The following ATRNL1 variants were observed in gnomAD, a reference collection of about 807,000 sequenced individuals.
ATRNL1 encodes attractin like 1.
ATRNL1 carries 95 observed loss-of-function variants against 182.7 expected under a neutral mutation model. That is an observed-to-expected ratio of 0.52 (90% CI 0.44 to 0.62). ATRNL1 has a LOEUF of 0.62. Ranked by LOEUF, ATRNL1 falls within the 20% of genes least tolerant of loss-of-function variation. The probability of loss-of-function intolerance (pLI) is 0.00; values close to 1 mark genes in which losing one functional copy is unlikely to be tolerated. For missense variants in ATRNL1, 1,471 were observed against 1,679.5 expected, an observed-to-expected ratio of 0.88 and a Z score of 2.17; for synonymous variants, 576 against 568.3, an observed-to-expected ratio of 1.01 and a Z score of -0.19.
Position 115,754,908 on chromosome 10 carries a change from G to C in ATRNL1, c.3903+27553G>C, listed in dbSNP as rs114291497. Among the ~76,000 whole-genome samples, 943 of 152,142 alleles carry C rather than the reference G, an allele frequency of 6.2e-3. 13 individuals carry two copies. The highest frequency in any genetic ancestry group is 0.022 in the African/African-American group (914 of 41,508). Reference sequence around the variant, plus strand: ...ACATTTCTTGAAAGTTGTTTTCCTAGGTATTTTATTCTCTTTGTAGGAATT... The same window carrying C: ...ACATTTCTTGAAAGTTGTTTTCCTACGTATTTTATTCTCTTTGTAGGAATT... On this transcript the variant is annotated intron_variant, in intron 27 of 28. Transcript: ENST00000355044.
chr10:115,401,114 T>C (rs1844544201), intron 20 of ATRNL1, among the ~76,000 whole-genome samples: 1 of 152,038 alleles, frequency 6.6e-6, no homozygotes, highest in Non-Finnish European at 1.5e-5. Context: ...TAGAACTTCA[T>C]AGGTTTTCAT....
At chr10:115,112,053 A>G (rs1554868210) in intron 1 of ATRNL1, among the ~76,000 whole-genome samples, 1 of 134,892 alleles carries the variant, frequency 7.4e-6, no homozygotes, top group African/African-American at 3.0e-5. Context: ...ATCAAAAAAC[A>G]AAACAAAAAA....
chr10:115,459,560 T>G (rs1847694073), intron 21 of ATRNL1, among the ~76,000 whole-genome samples: 1 of 150,786 alleles, frequency 6.6e-6, no homozygotes, highest in Admixed American at 6.6e-5. Flanking sequence ...CTAATAAATT[T>G]TGGTCAGACT....
intron 15 of ATRNL1, among the ~76,000 whole-genome samples, chr10:115,293,285 T>C (rs1853008674): frequency 6.6e-6 from 1 of 152,100 alleles, no homozygotes; most frequent in South Asian, 2.1e-4. Flanking sequence ...ATATTGTTAG[T>C]TATTTTTTTA....
chr10:115,145,538 A>G (rs2143851397), intron 5 of ATRNL1, among the ~76,000 whole-genome samples: 1 of 152,316 alleles, frequency 6.6e-6, no homozygotes, highest in South Asian at 2.1e-4. Flanking sequence ...TATTTAAAAT[A>G]GACAAAAGTT....
chr10:115,559,520 A>G (rs1853563685), intron 26 of ATRNL1, among the ~76,000 whole-genome samples: 1 of 152,092 alleles, frequency 6.6e-6, no homozygotes, highest in African/African-American at 2.4e-5. Context: ...TAGCTTGTAC[A>G]CTTCTTGCCC....
intron 27 of ATRNL1, among the ~76,000 whole-genome samples, chr10:115,803,536 T>C (rs1949847185): frequency 6.6e-6 from 1 of 151,988 alleles, no homozygotes; most frequent in Non-Finnish European, 1.5e-5. Context: ...TAGTTTCCAT[T>C]AGAGATATGG....
intron 17 of ATRNL1, among the ~76,000 whole-genome samples, chr10:115,311,032 T>G (rs1480875769): frequency 6.6e-6 from 1 of 151,814 alleles, no homozygotes; most frequent in Non-Finnish European, 1.5e-5. Flanking sequence ...TTTTGCAGAA[T>G]TTAAAACTTT....
intron 19 of ATRNL1, among the ~76,000 whole-genome samples, chr10:115,367,699 T>C (rs1221729682): frequency 8.0e-6 from 1 of 125,034 alleles, no homozygotes; most frequent in Non-Finnish European, 1.9e-5. Flanking sequence ...GGGTTTTTGG[T>C]GTGGATGTCC....
At chr10:115,644,067 T>A (rs1555031370) in intron 26 of ATRNL1, among the ~76,000 whole-genome samples, 2 of 152,144 alleles carry the variant, frequency 1.3e-5, no homozygotes. Context: ...AATCTAATAT[T>A]CATCACCTGG....
chr10:115,649,836 G>A (rs887030286), intron 26 of ATRNL1, among the ~76,000 whole-genome samples: 1 of 152,142 alleles, frequency 6.6e-6, no homozygotes, highest in Admixed American at 6.6e-5. Flanking sequence ...AAGCAGTTAA[G>A]TGGAGTTTTT....
intron 26 of ATRNL1, among the ~76,000 whole-genome samples, chr10:115,620,763 T>C (rs1473486678): frequency 6.6e-6 from 1 of 152,218 alleles, no homozygotes; most frequent in Non-Finnish European, 1.5e-5. Flanking sequence ...GATTTTACCC[T>C]GTAGACACAA....
intron 28 of ATRNL1, among the ~76,000 whole-genome samples, chr10:115,924,696 T>A (rs146657332): frequency 1.6e-3 from 244 of 152,308 alleles, no homozygotes; most frequent in African/African-American, 5.7e-3. Context: ...GCCTCCAGCG[T>A]TGTTCTTTTT....
chr10:115,205,047 C>T (rs1260199621), intron 8 of ATRNL1, among the ~76,000 whole-genome samples: 1 of 151,930 alleles, frequency 6.6e-6, no homozygotes, highest in Non-Finnish European at 1.5e-5. Context: ...CCAACTCTAC[C>T]CCTCACATTT....
chr10:115,236,164 G>C (rs2133806585), intron 9 of ATRNL1, among the ~76,000 whole-genome samples: 1 of 152,108 alleles, frequency 6.6e-6, no homozygotes, highest in African/African-American at 2.4e-5. Flanking sequence ...CCCTGCCCTA[G>C]TGCTCGAATA....
At position 115,389,538 on chromosome 10, in the gene ATRNL1, G is replaced by GTATATA. The variant is rs1270489896; in HGVS notation, c.3176-5120_3176-5119insATATAT. On this transcript the variant is annotated intron_variant, in intron 19 of 28. Coordinates refer to ENST00000355044, the MANE Select transcript of ATRNL1 (RefSeq NM_207303.4). ...AGCTGAATAGTATTCAAATGTGTAT[G>GTATATA]TGTATATATATATATATATATATAT... Among the ~76,000 whole-genome samples the GTATATA allele has an allele frequency of 5.8e-5, 3 of 51,414 alleles. 1 individual carries two copies. Among genetic ancestry groups the GTATATA allele is most frequent in the Non-Finnish European group, 1.0e-4 (3 of 30,058 alleles). 33.7% of individuals were successfully genotyped at this position (51,414 alleles called of 152,430 possible).
intron 25 of ATRNL1, among the ~76,000 whole-genome samples, chr10:115,540,495 C>A (rs1463940542): frequency 2.6e-5 from 4 of 152,108 alleles, no homozygotes; most frequent in African/African-American, 9.7e-5. Context: ...GGCATGGTGG[C>A]TCACACCTGT....
chr10:115,275,961 A>G, intron 13 of ATRNL1, among the ~76,000 whole-genome samples: 1 of 152,196 alleles, frequency 6.6e-6, no homozygotes, highest in East Asian at 1.9e-4. Context: ...CTATAACATC[A>G]AATGTATAAT....
intron 27 of ATRNL1, among the ~76,000 whole-genome samples, chr10:115,829,069 G>T (rs1418463509): frequency 1.3e-5 from 2 of 151,726 alleles, no homozygotes; most frequent in Non-Finnish European, 2.9e-5. Flanking sequence ...CCTATCTGTA[G>T]AATTTCCCTC....
Sources: allele counts gnomAD v4.1 joint callset (sites outside exome capture counted in the v4.1 genomes callset), GRCh38; gene constraint gnomAD v4.1.1; transcripts MANE v1.5; gene names NCBI Gene and HGNC (gene_info 2026-07-23, HGNC 2026-07-21).